LRRK1: variants seen among roughly 807,000 people sequenced by gnomAD.
LRRK1 encodes the protein leucine rich repeat kinase 1, also known as leucine-rich repeat serine/threonine-protein kinase 1.
Under a neutral mutation model 209.1 loss-of-function variants are expected in LRRK1, and 113 were observed. The ratio of observed to expected loss-of-function variants is 0.54; its 90% CI spans 0.46 to 0.63. LRRK1 has a LOEUF of 0.63. Among genes scored for constraint, LRRK1 ranks in the 30% least tolerant of loss-of-function variants. The probability of loss-of-function intolerance (pLI) is 0.00; values close to 1 mark genes in which losing one functional copy is unlikely to be tolerated. For synonymous variants in LRRK1, 1,144 were observed against 1,099.7 expected (o/e 1.04, Z -0.80); for missense variants, 2,284 against 2,632.2 (o/e 0.87, Z 2.89).
chr15:100,939,152 T>C (rs1355649222), intron 2 of LRRK1, among the ~76,000 whole-genome samples: 1 of 152,204 alleles, frequency 6.6e-6, no homozygotes, highest in Non-Finnish European at 1.5e-5. Flanking sequence ...TGTCCTGCAT[T>C]GTCTCTGTTT....
intron 33 of LRRK1, among the ~76,000 whole-genome samples, chr15:101,067,794 C>T (rs1180208157): frequency 6.6e-6 from 1 of 152,160 alleles, no homozygotes; most frequent in African/African-American, 2.4e-5. Flanking sequence ...GCTTGCAGGT[C>T]GGGCTTCTGG....
In LRRK1 at chr15:101,058,620, G is replaced by GGC. The variant is rs1052080262; in HGVS notation, c.4679+480_4679+481insCG. 8.7e-5 allele frequency among the ~76,000 whole-genome samples: 13 copies of GGC among 149,288 alleles called. 4 individuals carry two copies. The highest frequency in any genetic ancestry group is 3.3e-4 in the African/African-American group (13 of 39,324). On this transcript the variant is annotated intron_variant, in intron 29 of 33. Transcript: ENST00000388948. ...CCCCAGATTGCAGAAGGGGCAACGG[G>GGC]GGGGGGCGTCTAAACAGAGTTGGGG...
chr15:100,973,674 C>CCT (rs2031097079), intron 2 of LRRK1, 130 bp from the exon 3 acceptor site: 1 of 939,276 alleles, frequency 1.1e-6, no homozygotes, highest in Non-Finnish European at 1.4e-6. Context: ...CGGGGCCACC[C>CCT]CTCTCTCTTC....
At chr15:101,015,243 T>A (rs2033476171) in intron 11 of LRRK1, 83 bp from the exon 12 acceptor site, 2 of 1,079,502 alleles carry the variant, frequency 1.9e-6, no homozygotes, top group East Asian at 2.5e-5. Context: ...CCTATCTCCG[T>A]GGCTTGGCAT....
chr15:101,055,241 CT>C lies in LRRK1; in HGVS notation c.4332+19del. ...ATGAGAAGGTACGTGCCTGGATCCC[CT>C]GGCCCAGCCCCACAGTGTAGGAGCC... On this transcript the variant is annotated intron_variant, in intron 27 of 33. Coordinates refer to ENST00000388948, the MANE Select transcript of LRRK1 (RefSeq NM_024652.6). 2 of 1,526,516 alleles carry C rather than the reference CT, an allele frequency of 1.3e-6. No homozygotes were observed. Among genetic ancestry groups the C allele is most frequent in the Non-Finnish European group, 1.8e-6 (2 of 1,138,568 alleles). 94.6% of individuals were successfully genotyped at this position (1,526,516 alleles called of 1,614,324 possible). A position where few individuals can be genotyped will look rare whatever the true frequency, so the allele number is the denominator to read the frequency against.
intron 2 of LRRK1, 128 bp from the exon 3 acceptor site, chr15:100,973,675 CT>C (rs2031097372): frequency 1.0e-6 from 1 of 963,226 alleles, no homozygotes; most frequent in Admixed American, 4.3e-5. Context: ...GGGGCCACCC[CT>C]CTCTCTTCCT....
intron 6 of LRRK1, among the ~76,000 whole-genome samples, chr15:100,998,760 A>T (rs2032547613): frequency 4.6e-5 from 7 of 151,808 alleles, no homozygotes; most frequent in Admixed American, 4.6e-4. Flanking sequence ...GGATGGATAG[A>T]TAGATGGGTG....
chr15:101,015,999 T>C (rs1332019463), intron 12 of LRRK1, among the ~76,000 whole-genome samples: 2 of 151,582 alleles, frequency 1.3e-5, no homozygotes, highest in African/African-American at 2.4e-5. Flanking sequence ...TTTTTTTTTT[T>C]TTTTCTTTGA....
intron 12 of LRRK1, among the ~76,000 whole-genome samples, chr15:101,019,944 A>G (rs1008868945): frequency 2.0e-5 from 3 of 152,230 alleles, no homozygotes; most frequent in African/African-American, 7.2e-5. Flanking sequence ...CATGATTTTC[A>G]TGGTAATCTC....
intron 2 of LRRK1, among the ~76,000 whole-genome samples, chr15:100,939,717 T>C (rs2042365892): frequency 6.6e-6 from 1 of 152,224 alleles, no homozygotes; most frequent in Non-Finnish European, 1.5e-5. Flanking sequence ...AAGTGATCTC[T>C]AAAGAAGAAA....
chr15:100,989,389 G>A lies in LRRK1; in HGVS notation c.753G>A (p.Pro251=), dbSNP rs2412000. 0.065 allele frequency: 104,851 copies of A among 1,613,942 alleles called. 6,577 individuals carry two copies. The highest frequency in any genetic ancestry group is 0.34 in the African/African-American group (25,172 of 74,968). Residue 251 remains proline (P), a synonymous_variant, in exon 6 of 34, where the codon CCG becomes CCA. Transcript: ENST00000388948. ...CCAGTCCCTTGCCCAGCAGTTATCC[G>A]GGAAAAACAGTGAGTAGTCACTGCC... ...IEASPLPSSY[P]GKTALRVKWS...
chr15:100,962,804 T>TACATATATATACATATATAC (rs1252133441), intron 2 of LRRK1, among the ~76,000 whole-genome samples: 1 of 37,190 alleles, frequency 2.7e-5, no homozygotes, highest in African/African-American at 9.8e-5. Flanking sequence ...CATATATATA[T>TACATATATATACATATATAC]ATATATATAT....
chr15:100,949,069 T>A (rs1267857750), intron 2 of LRRK1, among the ~76,000 whole-genome samples: 1 of 151,724 alleles, frequency 6.6e-6, no homozygotes, highest in African/African-American at 2.4e-5. Context: ...GTAGGGAAAA[T>A]CAGTGAAATC....
chr15:100,923,299 G>A lies in LRRK1; in HGVS notation c.-122-1212G>A, dbSNP rs997304860. On this transcript the variant is annotated intron_variant, in intron 1 of 33. Coordinates refer to ENST00000388948, the MANE Select transcript of LRRK1 (RefSeq NM_024652.6). ...ACCTTTCAGCTGGGAGTCACACTGCGAACATGTGACACAGGCAGTCCACAC... is the reference window on the plus strand; with the variant it reads ...ACCTTTCAGCTGGGAGTCACACTGCAAACATGTGACACAGGCAGTCCACAC... 1.1e-4 allele frequency among the ~76,000 whole-genome samples: 17 copies of A among 152,278 alleles called. No homozygotes were observed. In the East Asian group the frequency reaches 1.5e-3, roughly 14 times the overall value.
chr15:101,030,040 C>A (rs1456158471), intron 20 of LRRK1, among the ~76,000 whole-genome samples: 4 of 152,316 alleles, frequency 2.6e-5, no homozygotes, highest in African/African-American at 7.2e-5. Context: ...CTGATCATTG[C>A]CTCTTTCTGT....
chr15:101,074,073 C>T lies in LRRK1; in HGVS notation c.*5225C>T, dbSNP rs935940110. On this transcript the variant is annotated 3_prime_UTR_variant, in exon 34 of 34. Coordinates refer to ENST00000388948, the MANE Select transcript of LRRK1 (RefSeq NM_024652.6). ...GGCGTTCTTTTACACATCAGTCCCT[C>T]CCTAGTCTCTGTTCCCAGTGCAACT... 1.1e-4 allele frequency: 17 copies of T among 152,158 alleles called. No homozygotes were observed. The highest frequency in any genetic ancestry group is 4.4e-5 in the Non-Finnish European group (3 of 68,024). 9.4% of individuals were successfully genotyped at this position (152,158 alleles called of 1,614,324 possible).
Position 101,066,055 on chromosome 15 carries a change from C to G in LRRK1, c.5618C>G (p.Thr1873Ser), listed in dbSNP as rs778168227. The G allele has an allele frequency of 3.7e-6, 6 of 1,614,188 alleles. No individual in the cohort carries two copies. The highest frequency in any genetic ancestry group is 5.1e-6 in the Non-Finnish European group (6 of 1,180,042). ...PASSSSVPFSTDCEDSDMLHT... is the reference protein window; with the variant it reads ...PASSSSVPFSSDCEDSDMLHT... ...AGTTCTTCCAGTGTGCCTTTCTCCA[C>G]CGACTGCGAGGACTCAGACATGCTA... Residue 1873 changes from threonine to serine, a missense_variant, in exon 32 of 34, where the codon ACC (threonine) becomes AGC (serine). Transcript: ENST00000388948.
intron 23 of LRRK1, among the ~76,000 whole-genome samples, chr15:101,050,935 C>T (rs1043655119): frequency 2.6e-5 from 4 of 152,198 alleles, no homozygotes; most frequent in African/African-American, 9.7e-5. Context: ...CAGTGTTCCC[C>T]ACACAGCAGG....
intron 12 of LRRK1, among the ~76,000 whole-genome samples, chr15:101,015,982 C>G (rs1245221410): frequency 6.7e-6 from 1 of 148,484 alleles, no homozygotes; most frequent in Non-Finnish European, 1.5e-5. Context: ...GGTCTTTCTT[C>G]CTCTTCTTTT....
Sources: gnomAD v4.1 joint callset for allele counts (sites outside exome capture counted in the v4.1 genomes callset) on GRCh38, gnomAD v4.1.1 for gene constraint, MANE v1.5 for transcripts, NCBI Gene and HGNC (gene_info 2026-07-23, HGNC 2026-07-21) for gene names.